TLK2: variants seen among roughly 807,000 people sequenced by gnomAD.
TLK2 encodes tousled like kinase 2.
Under a neutral mutation model 117.3 loss-of-function variants are expected in TLK2, and 6 were observed. That is an observed-to-expected ratio of 0.05 (90% confidence interval 0.03 to 0.10). The LOEUF is 0.10. TLK2 is among the 10% of genes least tolerant of loss of function. TLK2 has a pLI of 1.00. For synonymous variants in TLK2, 257 were observed against 316.7 expected (o/e 0.81, Z 2.00); for missense variants, 299 against 901.2 (o/e 0.33, Z 8.56).
Position 62,573,199 on chromosome 17 carries a change from T to G in TLK2, c.969-16T>G, listed in dbSNP as rs73333614. 595 of 1,605,032 alleles carry G rather than the reference T, an allele frequency of 3.7e-4. 3 individuals are homozygous for G. In the African/African-American group the frequency reaches 6.9e-3, roughly 19 times the overall value. ...TTTGACTTTCTTTCTTTGTACAACG[T>G]CTTTTATATCTCTAGGCAACAGGAA... On this transcript the variant is annotated splice_polypyrimidine_tract_variant and intron_variant, in intron 11 of 21. Transcript: ENST00000346027.
At chr17:62,591,002 A>C (rs1032426586) in intron 16 of TLK2, among the ~76,000 whole-genome samples, 11 of 152,226 alleles carry the variant, frequency 7.2e-5, no homozygotes, top group African/African-American at 2.7e-4. Flanking sequence ...CTGTGATCCC[A>C]GCACTTTGGG....
chr17:62,584,689 A>T (rs143665891), intron 15 of TLK2, among the ~76,000 whole-genome samples: 511 of 152,330 alleles, frequency 3.4e-3, no homozygotes, highest in Middle Eastern at 6.8e-3. Context: ...ATTTTTGTGA[A>T]ATAAGATATT....
intron 2 of TLK2, among the ~76,000 whole-genome samples, chr17:62,512,561 A>G (rs1215653839): frequency 6.6e-6 from 1 of 151,986 alleles, no homozygotes; most frequent in Non-Finnish European, 1.5e-5. Flanking sequence ...CCAATTTTCT[A>G]ATTGGAATTC....
At chr17:62,537,170 A>G (rs1468611264) in intron 7 of TLK2, among the ~76,000 whole-genome samples, 3 of 152,082 alleles carry the variant, frequency 2.0e-5, no homozygotes, top group African/African-American at 4.8e-5. Flanking sequence ...TTTCCTGTTT[A>G]TTTATCCTGT....
intron 13 of TLK2, among the ~76,000 whole-genome samples, chr17:62,577,876 A>G (rs1310328128): frequency 6.6e-6 from 1 of 151,698 alleles, no homozygotes; most frequent in Non-Finnish European, 1.5e-5. Flanking sequence ...TGAAACCCCG[A>G]CTCTACTAAA....
At chr17:62,514,744 A>G (rs987510634) in intron 2 of TLK2, among the ~76,000 whole-genome samples, 4 of 151,846 alleles carry the variant, frequency 2.6e-5, no homozygotes, top group African/African-American at 9.7e-5. Flanking sequence ...ACACCCAGCT[A>G]ATTTTTGTAT....
intron 2 of TLK2, among the ~76,000 whole-genome samples, chr17:62,483,187 G>A (rs918459594): frequency 2.0e-5 from 3 of 152,052 alleles, no homozygotes; most frequent in Admixed American, 6.6e-5. Flanking sequence ...TGTTTAAATG[G>A]TCCCCCCACC....
chr17:62,482,695 G>A (rs141748310), intron 2 of TLK2, among the ~76,000 whole-genome samples: 2 of 152,056 alleles, frequency 1.3e-5, no homozygotes, highest in Admixed American at 1.3e-4. Context: ...CCAGTGATCT[G>A]CCTGTCTTGG....
intron 1 of TLK2, among the ~76,000 whole-genome samples, chr17:62,473,052 C>T (rs2070971220): frequency 1.3e-5 from 2 of 152,286 alleles, no homozygotes; most frequent in East Asian, 1.9e-4. Context: ...ATTTTATTCC[C>T]TTGGTTCCAG....
chr17:62,501,519 G>A (rs2074194455), intron 2 of TLK2, among the ~76,000 whole-genome samples: 2 of 151,934 alleles, frequency 1.3e-5, no homozygotes, highest in African/African-American at 4.8e-5. Flanking sequence ...AATTGCTTGA[G>A]TCTAGGAGTT....
chr17:62,504,859 T>G (rs1246712619), intron 2 of TLK2, among the ~76,000 whole-genome samples: 2 of 152,134 alleles, frequency 1.3e-5, no homozygotes, highest in African/African-American at 4.8e-5. Context: ...ATTATTTATT[T>G]ATTTATTACT....
intron 2 of TLK2, among the ~76,000 whole-genome samples, chr17:62,485,945 C>A (rs1023632176): frequency 6.6e-6 from 1 of 151,754 alleles, no homozygotes; most frequent in Admixed American, 6.6e-5. Flanking sequence ...CTCAGCCTCC[C>A]GAGTAGCTGG....
At chr17:62,605,570 G>A (rs544916497) in intron 19 of TLK2, among the ~76,000 whole-genome samples, 3 of 151,990 alleles carry the variant, frequency 2.0e-5, no homozygotes, top group Admixed American at 6.6e-5. Flanking sequence ...ATAGGGTTTC[G>A]CCATGTTGCC....
chr17:62,603,257 A>G (rs891142196), intron 19 of TLK2, among the ~76,000 whole-genome samples: 3 of 152,196 alleles, frequency 2.0e-5, no homozygotes, highest in Non-Finnish European at 4.4e-5. Context: ...CAATAACACC[A>G]TGGACACAAT....
chr17:62,472,160 C>T (rs1177265959), intron 1 of TLK2, among the ~76,000 whole-genome samples: 4 of 151,636 alleles, frequency 2.6e-5, no homozygotes, highest in Non-Finnish European at 4.4e-5. Context: ...CCTGCCTCAG[C>T]CTCCCAAAGT....
chr17:62,495,807 T>C (rs1363842342), intron 2 of TLK2, among the ~76,000 whole-genome samples: 1 of 151,488 alleles, frequency 6.6e-6, no homozygotes, highest in African/African-American at 2.4e-5. Flanking sequence ...TATGGGCGCA[T>C]GCTGCCGTGC....
chr17:62,517,555 C>T (rs2075702845), intron 2 of TLK2, among the ~76,000 whole-genome samples: 1 of 152,028 alleles, frequency 6.6e-6, no homozygotes, highest in Non-Finnish European at 1.5e-5. Flanking sequence ...CCACTGCACC[C>T]AGCTAATTTT....
chr17:62,482,039 G>T (rs532689910), intron 2 of TLK2, among the ~76,000 whole-genome samples: 11 of 151,892 alleles, frequency 7.2e-5, no homozygotes, highest in Non-Finnish European at 1.5e-4. Context: ...TCCACCTCCT[G>T]GGTTCAGGTG....
intron 2 of TLK2, among the ~76,000 whole-genome samples, chr17:62,486,686 T>C (rs1019115285): frequency 1.3e-5 from 2 of 152,226 alleles, no homozygotes; most frequent in African/African-American, 4.8e-5. Flanking sequence ...TACTTGTACC[T>C]AGTTGGATAT....
Sources: gnomAD v4.1 joint callset for allele counts (sites outside exome capture counted in the v4.1 genomes callset) on GRCh38, gnomAD v4.1.1 for gene constraint, MANE v1.5 for transcripts, NCBI Gene and HGNC (gene_info 2026-07-23, HGNC 2026-07-21) for gene names.